The following DOCK9 variants were observed in gnomAD, a reference collection of about 807,000 sequenced individuals.
DOCK9 encodes the protein dedicator of cytokinesis protein 9.
DOCK9 carries 89 observed loss-of-function variants against 263.3 expected under a neutral mutation model. The ratio of observed to expected loss-of-function variants is 0.34; its 90% confidence interval spans 0.28 to 0.40. The LOEUF (loss-of-function observed/expected upper bound fraction) is 0.40. Among genes scored for constraint, DOCK9 ranks in the 10% least tolerant of loss-of-function variants. The probability of loss-of-function intolerance (pLI) is 1.00; values close to 1 mark genes in which losing one functional copy is unlikely to be tolerated. For synonymous variants in DOCK9, 976 were observed against 973.1 expected (o/e 1.00, Z -0.06); for missense variants, 2,140 against 2,603.4 (o/e 0.82, Z 3.87).
In DOCK9 at chr13:98,930,221, A is replaced by T; in HGVS notation, c.280T>A (p.Ser94Thr). ...TCTTCCGCCTTCGCAGGCACTGTTG[A>T]GCATATGTATCGACCCTGTCGTCTC... is the stretch of plus-strand genomic sequence containing the variant. ...ILRRQGRYIC[S>T]TVPAKAEEEA... The change falls in exon 3 of 53, where the codon TCA becomes ACA. Residue 94 changes from serine to threonine, a missense_variant. Around this residue, in one of 2 missense-constraint regions of DOCK9, gnomAD observed 1,521 missense variants for 1,741.7 expected, o/e 0.87. Transcript: ENST00000682017. 1 of 1,612,258 alleles carries T rather than the reference A, an allele frequency of 6.2e-7. No homozygotes were observed. Among genetic ancestry groups the T allele is most frequent in the Non-Finnish European group, 8.5e-7 (1 of 1,179,210 alleles).
chr13:98,796,373 T>C (rs1246983208), intron 52 of DOCK9, among the ~76,000 whole-genome samples: 2 of 152,080 alleles, frequency 1.3e-5, no homozygotes, highest in Non-Finnish European at 2.9e-5. Flanking sequence ...AGGACGATAA[T>C]GGAGGGGCCA....
At chr13:98,867,153 T>C (rs1471940815) in intron 30 of DOCK9, 2 of 514,774 alleles carry the variant, frequency 3.9e-6, no homozygotes, top group Admixed American at 2.8e-5. Flanking sequence ...AAATAAGCTA[T>C]AGCAACTGAA....
At chr13:98,930,381 C>G (rs1203289658) in intron 2 of DOCK9, 124 bp from the exon 3 acceptor site, 1 of 764,336 alleles carries the variant, frequency 1.3e-6, no homozygotes, top group Admixed American at 2.2e-5. Context: ...TTTCTCCCAT[C>G]CAGTGCAGCT....
intron 27 of DOCK9, among the ~76,000 whole-genome samples, chr13:98,875,190 G>T (rs373240875): frequency 2.6e-5 from 4 of 152,144 alleles, no homozygotes; most frequent in East Asian, 3.9e-4. Context: ...AAGGTTAAGG[G>T]TTCACTCTCA....
chr13:99,026,941 T>C (rs1253534670), intron 1 of DOCK9, among the ~76,000 whole-genome samples: 2 of 152,218 alleles, frequency 1.3e-5, no homozygotes, highest in Non-Finnish European at 2.9e-5. Context: ...AACAGTGTGC[T>C]ACACGGGAAT....
intron 1 of DOCK9, among the ~76,000 whole-genome samples, chr13:99,078,502 T>C (rs949320233): frequency 2.0e-5 from 3 of 152,106 alleles, no homozygotes; most frequent in African/African-American, 7.2e-5. Flanking sequence ...CATGAGCAGG[T>C]CACAGGGATA....
intron 10 of DOCK9, among the ~76,000 whole-genome samples, chr13:98,903,916 G>GA (rs1212221887): frequency 5.9e-5 from 9 of 152,258 alleles, no homozygotes; most frequent in Non-Finnish European, 8.8e-5. Flanking sequence ...CATTTATGAG[G>GA]TTCCTAAAAT....
intron 1 of DOCK9, among the ~76,000 whole-genome samples, chr13:99,065,399 C>T (rs1445269593): frequency 1.3e-5 from 2 of 152,156 alleles, no homozygotes; most frequent in African/African-American, 4.8e-5. Context: ...CACTGTATTC[C>T]CACAGCAAAG....
rs750399939 is a variant in DOCK9 at position 98,923,371 on chromosome 13, G to C, written c.417C>G (p.Asn139Lys). The C allele has an allele frequency of 6.2e-7, 1 of 1,613,574 alleles. No homozygotes were observed. The highest frequency in any genetic ancestry group is 8.5e-7 in the Non-Finnish European group (1 of 1,179,582). The change falls in exon 5 of 53, where the codon AAC (asparagine) becomes AAG (lysine). Residue 139 changes from asparagine (N) to lysine (K), a missense_variant and splice_region_variant. This residue lies in a region of DOCK9 where 1,521 missense variants were observed against 1,741.7 expected (regional missense o/e 0.87). Transcript: ENST00000682017. ...GAAGTTTATCCAACTTGACCACTTT[G>C]CTATAAAAACAACAAAGAAAATTTG... The part of the protein sequence containing the change: ...DYSGEFRQLP[N>K]KVVKLDKLPV...
At chr13:98,822,982 G>C (rs1461686573) in intron 45 of DOCK9, among the ~76,000 whole-genome samples, 1 of 151,896 alleles carries the variant, frequency 6.6e-6, no homozygotes, top group Non-Finnish European at 1.5e-5. Flanking sequence ...GGACCTCAAA[G>C]TTTATGTGAC....
At chr13:99,044,823 C>G (rs1334466139) in intron 1 of DOCK9, among the ~76,000 whole-genome samples, 1 of 152,212 alleles carries the variant, frequency 6.6e-6, no homozygotes, top group Non-Finnish European at 1.5e-5. Context: ...CCTGACTGTA[C>G]AGCCAGGTTC....
At chr13:99,053,256 C>G (rs746615881) in intron 1 of DOCK9, among the ~76,000 whole-genome samples, 2 of 152,158 alleles carry the variant, frequency 1.3e-5, no homozygotes, top group African/African-American at 2.4e-5. Flanking sequence ...TGTTAAATGA[C>G]AAAATTTCCT....
At chr13:98,901,214 G>T (rs762995572) in intron 13 of DOCK9, among the ~76,000 whole-genome samples, 9 of 152,120 alleles carry the variant, frequency 5.9e-5, no homozygotes, top group Non-Finnish European at 1.0e-4. Context: ...TAATTCTATG[G>T]TATGTCCATG....
intron 44 of DOCK9, among the ~76,000 whole-genome samples, chr13:98,826,221 T>C (rs886999654): frequency 2.0e-5 from 3 of 152,166 alleles, no homozygotes; most frequent in African/African-American, 7.2e-5. Flanking sequence ...AACCTCAGTA[T>C]TCTAAAAATA....
chr13:99,035,581 G>A (rs7986181), intron 1 of DOCK9, among the ~76,000 whole-genome samples: 33,795 of 152,100 alleles, frequency 0.22, 3,759 homozygotes, highest in Middle Eastern at 0.3. Flanking sequence ...GTACTATGTG[G>A]AAAATGGCAG....
chr13:98,833,338 T>C (rs543965526), intron 39 of DOCK9, among the ~76,000 whole-genome samples: 4 of 152,328 alleles, frequency 2.6e-5, no homozygotes, highest in African/African-American at 9.6e-5. Flanking sequence ...TAATTATGAC[T>C]GGATTAAGGT....
chr13:98,937,760 T>C (rs2055132939), intron 2 of DOCK9, among the ~76,000 whole-genome samples: 2 of 151,018 alleles, frequency 1.3e-5, no homozygotes, highest in African/African-American at 4.9e-5. Flanking sequence ...ACAGAGTTGC[T>C]CCCAGAATAA....
At chr13:98,916,610 A>G (rs909028827) in intron 7 of DOCK9, among the ~76,000 whole-genome samples, 1 of 152,016 alleles carries the variant, frequency 6.6e-6, no homozygotes, top group Non-Finnish European at 1.5e-5. Flanking sequence ...AAAGCCACAC[A>G]CTCTTGTGCA....
At chr13:98,872,294 A>G (rs1406236938) in intron 27 of DOCK9, among the ~76,000 whole-genome samples, 1 of 148,712 alleles carries the variant, frequency 6.7e-6, no homozygotes. Flanking sequence ...GGGGCTGAGA[A>G]GAAATTTACC....
Sources: gnomAD v4.1 joint callset for allele counts (sites outside exome capture counted in the v4.1 genomes callset) on GRCh38, gnomAD v4.1.1 for gene constraint, gnomAD v4.1.1 regional missense constraint, MANE v1.5 for transcripts, NCBI Gene and HGNC (gene_info 2026-07-23, HGNC 2026-07-21) for gene names.